The following DOK6 variants were observed in gnomAD, a reference collection of about 807,000 sequenced individuals.
The protein encoded by DOK6 is downstream of tyrosine kinase 6.
A neutral mutation model predicts 44.0 loss-of-function variants in DOK6; 22 were observed. The observed-to-expected ratio is 0.50, with a 90% confidence interval of 0.36 to 0.71. DOK6 has a LOEUF of 0.71. Ranked by LOEUF, DOK6 falls within the 30% of genes least tolerant of loss-of-function variation. DOK6 has a pLI of 0.00. For missense variants in DOK6, 340 were observed against 416.4 expected (o/e 0.82, Z 1.60); for synonymous variants, 166 against 145.5 (o/e 1.14, Z -1.01).
intron 5 of DOK6, among the ~76,000 whole-genome samples, chr18:69,708,201 T>C (rs540668580): frequency 1.3e-5 from 2 of 152,308 alleles, no homozygotes; most frequent in Non-Finnish European, 2.9e-5. Flanking sequence ...ATTTTAGATA[T>C]GTCTATCTGG....
In DOK6 at chr18:69,606,227, A is replaced by G. The variant is rs562564181; in HGVS notation, c.289+6729A>G. ...GCAGAGGTTGCAGTAAGCTGAGATC[A>G]CGCCACTGCACTCCAGCCTGGGCAA... On this transcript the variant is annotated intron_variant, in intron 3 of 7. Coordinates refer to ENST00000382713, the MANE Select transcript of DOK6 (RefSeq NM_152721.6). Among the ~76,000 whole-genome samples, 13 of 151,698 alleles carry G rather than the reference A, an allele frequency of 8.6e-5. No homozygotes were observed. In the East Asian group the frequency reaches 2.5e-3, roughly 29 times the overall value.
At chr18:69,668,232 C>T (rs1034224272) in intron 3 of DOK6, among the ~76,000 whole-genome samples, 1 of 152,156 alleles carries the variant, frequency 6.6e-6, no homozygotes, top group South Asian at 2.1e-4. Context: ...TTCCTCTTCT[C>T]CTGTTATCCA....
intron 6 of DOK6, among the ~76,000 whole-genome samples, chr18:69,744,925 TAAAAAAAAAAAAA>T (rs58133144): frequency 1.1e-5 from 1 of 89,808 alleles, no homozygotes; most frequent in East Asian, 3.2e-4. Context: ...ACACTCCATC[TAAAAAAAAAAAAA>T]AAAAAAAAAC....
intron 2 of DOK6, among the ~76,000 whole-genome samples, chr18:69,568,107 A>G (rs1039021150): frequency 1.3e-5 from 2 of 152,306 alleles, no homozygotes; most frequent in South Asian, 4.1e-4. Flanking sequence ...CACAAGCCCA[A>G]CCTGTGCCCT....
At chr18:69,785,746 G>A (rs536359988) in intron 7 of DOK6, among the ~76,000 whole-genome samples, 58 of 152,014 alleles carry the variant, frequency 3.8e-4, no homozygotes, top group Admixed American at 9.8e-4. Context: ...CTGACATTAC[G>A]TTGTCCATTA....
At chr18:69,655,833 T>C (rs1042880456) in intron 3 of DOK6, among the ~76,000 whole-genome samples, 2 of 89,434 alleles carry the variant, frequency 2.2e-5, no homozygotes, top group Non-Finnish European at 4.8e-5. Context: ...TAATCTAAAA[T>C]ATGAAAAATA....
At chr18:69,617,704 GAGA>G (rs1984334750) in intron 3 of DOK6, among the ~76,000 whole-genome samples, 1 of 41,044 alleles carries the variant, frequency 2.4e-5, no homozygotes, top group Admixed American at 3.4e-4. Flanking sequence ...AAGACGGAAA[GAGA>G]AAAGAAAGAA....
chr18:69,607,237 C>T (rs1035434810), intron 3 of DOK6, among the ~76,000 whole-genome samples: 1 of 152,156 alleles, frequency 6.6e-6, no homozygotes, highest in African/African-American at 2.4e-5. Flanking sequence ...TCCTGGTAGT[C>T]GCACTTGATC....
rs71176967 is a variant in DOK6, at chr18:69,459,187, T to TTGTG, written c.66+57920_66+57923dup. ...GTGAGAAATCTCAAAAAAAAATATT[T>TTGTG]TGTGTGTGTGTGTGTGTGTGTGTGT... On this transcript the variant is annotated intron_variant, in intron 1 of 7. Transcript: ENST00000382713. Among the ~76,000 whole-genome samples, 660 of 136,960 alleles carry TTGTG rather than the reference T, an allele frequency of 4.8e-3. 2 individuals are homozygous for TTGTG. Among genetic ancestry groups the TTGTG allele is most frequent in the African/African-American group, 0.016 (593 of 35,948 alleles). 89.9% of individuals were successfully genotyped at this position (136,960 alleles called of 152,430 possible). A position where few individuals can be genotyped will look rare whatever the true frequency, so the allele number is the denominator to read the frequency against.
intron 1 of DOK6, among the ~76,000 whole-genome samples, chr18:69,522,877 G>A (rs1981726538): frequency 6.6e-6 from 1 of 152,066 alleles, no homozygotes; most frequent in Non-Finnish European, 1.5e-5. Context: ...ATATTTTCCA[G>A]TCTCCTTGCT....
intron 6 of DOK6, among the ~76,000 whole-genome samples, chr18:69,756,003 T>G (rs975461071): frequency 3.3e-5 from 5 of 152,350 alleles, no homozygotes; most frequent in Non-Finnish European, 5.9e-5. Context: ...TGTGATTTCC[T>G]GGTGGCTCCG....
intron 2 of DOK6, among the ~76,000 whole-genome samples, chr18:69,574,602 G>A (rs1015716766): frequency 3.3e-5 from 5 of 152,056 alleles, no homozygotes; most frequent in African/African-American, 1.2e-4. Context: ...ACAATGATTT[G>A]AAGAGAATTT....
At chr18:69,811,362 G>A (rs1348865721) in intron 7 of DOK6, among the ~76,000 whole-genome samples, 3 of 151,634 alleles carry the variant, frequency 2.0e-5, no homozygotes, top group African/African-American at 7.3e-5. Flanking sequence ...AGTTACATAG[G>A]AGGAACAAGT....
chr18:69,655,731 T>A (rs111339602), intron 3 of DOK6, among the ~76,000 whole-genome samples: 1 of 120,352 alleles, frequency 8.3e-6, no homozygotes, highest in African/African-American at 3.3e-5. Flanking sequence ...CCAGCCTGGG[T>A]GACAGAGCGA....
At chr18:69,409,326 T>A (rs1035710244) in intron 1 of DOK6, among the ~76,000 whole-genome samples, 10 of 152,336 alleles carry the variant, frequency 6.6e-5, no homozygotes, top group Admixed American at 2.0e-4. Context: ...AATACACATG[T>A]AGAAACGTGT....
chr18:69,628,054 A>G (rs959046574), intron 3 of DOK6, among the ~76,000 whole-genome samples: 3 of 152,326 alleles, frequency 2.0e-5, no homozygotes, highest in South Asian at 2.1e-4. Context: ...TATGGAGTCA[A>G]TTTTTACCTT....
intron 7 of DOK6, among the ~76,000 whole-genome samples, chr18:69,812,970 G>A (rs997519831): frequency 1.3e-5 from 2 of 151,956 alleles, no homozygotes; most frequent in Admixed American, 6.6e-5. Flanking sequence ...GATTTGGGTG[G>A]GGACACAAAG....
At chr18:69,439,680 C>T (rs1005371656) in intron 1 of DOK6, among the ~76,000 whole-genome samples, 2 of 152,162 alleles carry the variant, frequency 1.3e-5, no homozygotes, top group African/African-American at 4.8e-5. Flanking sequence ...GCTTCCTCAC[C>T]TCTCTCAGCC....
At chr18:69,506,648 C>A (rs1007096050) in intron 1 of DOK6, among the ~76,000 whole-genome samples, 6 of 151,978 alleles carry the variant, frequency 3.9e-5, no homozygotes, top group African/African-American at 1.4e-4. Context: ...TATTTACTTA[C>A]CTGTTGAAGT....
Sources: gnomAD v4.1 joint callset for allele counts (sites outside exome capture counted in the v4.1 genomes callset) on GRCh38, gnomAD v4.1.1 for gene constraint, MANE v1.5 for transcripts, NCBI Gene and HGNC (gene_info 2026-07-23, HGNC 2026-07-21) for gene names.